Variants in ABR observed in about 807,000 individuals in gnomAD.
ABR encodes the protein active breakpoint cluster region-related protein.
In ABR, 35 loss-of-function variants were observed where a neutral mutation model predicts 107.2. That is an observed-to-expected ratio of 0.33 (90% CI 0.25 to 0.43). ABR has a LOEUF of 0.43. Ranked by LOEUF, ABR falls within the 20% of genes least tolerant of loss-of-function variation. The probability of loss-of-function intolerance (pLI) is 1.00; values close to 1 mark genes in which losing one functional copy is unlikely to be tolerated. For synonymous variants in ABR, 498 were observed against 462.0 expected (o/e 1.08, Z -1.00); for missense variants, 815 against 1,115.2 (o/e 0.73, Z 3.83).
intron 10 of ABR, among the ~76,000 whole-genome samples, chr17:1,065,517 TC>T (rs1307351351): frequency 6.9e-6 from 1 of 144,286 alleles, no homozygotes; most frequent in African/African-American, 2.5e-5. Context: ...TGCATGTTCC[TC>T]TAGACGCTGT....
In ABR at chr17:1,070,089, G is replaced by A; in HGVS notation, c.896C>T (p.Thr299Met). ...GAAGCCGTCCTTCACCAGCTGTCGCGTCTGAGGGAGATGGCAGACCCCCCA... is the reference window on the plus strand; with the variant it reads ...GAAGCCGTCCTTCACCAGCTGTCGCATCTGAGGGAGATGGCAGACCCCCCA... The part of the protein sequence containing the change: ...RTAVTTPKGE[T>M]RQLVKDGFLV... The change falls in exon 9 of 23, where the codon ACG becomes ATG. Residue 299 changes from threonine to methionine, a missense_variant and splice_region_variant. This residue lies in a region of ABR where 385 missense variants were observed against 596.9 expected (regional missense o/e 0.64). Transcript: ENST00000302538. This position sits in a 1 kb window ranked among gnomAD's most constrained non-coding sequence, Gnocchi z 4.2. The A allele has an allele frequency of 6.2e-7, 1 of 1,613,584 alleles. No individual in the cohort carries two copies. The highest frequency in any genetic ancestry group is 8.5e-7 in the Non-Finnish European group (1 of 1,179,872).
chr17:1,075,551 T>C (rs1457286361), intron 6 of ABR, among the ~76,000 whole-genome samples: 3 of 151,708 alleles, frequency 2.0e-5, no homozygotes, highest in Non-Finnish European at 4.4e-5. Context: ...CTTGGCTGCC[T>C]GTCGGAATCA....
intron 4 of ABR, among the ~76,000 whole-genome samples, chr17:1,087,839 T>A (rs909179347): frequency 6.6e-6 from 1 of 152,084 alleles, no homozygotes; most frequent in African/African-American, 2.4e-5. Flanking sequence ...GAGGCCTGCG[T>A]CCAGGGTCAC....
rs142853473 is a variant in ABR, at chr17:1,102,059, G to A, written c.247-1324C>T. On this transcript the variant is annotated intron_variant, in intron 2 of 22. Transcript: ENST00000302538. ...GAAAGACATTTAAAAAACAAGTAAA[G>A]ATTCGGCCCTAGACTGGGACATGGG... 1.7e-3 allele frequency among the ~76,000 whole-genome samples: 257 copies of A among 152,268 alleles called. 2 individuals carry two copies. The highest frequency in any genetic ancestry group is 5.9e-3 in the African/African-American group (246 of 41,566).
At chr17:1,205,516 T>C (rs991730004) in intron 1 of ABR, among the ~76,000 whole-genome samples, 6 of 152,180 alleles carry the variant, frequency 3.9e-5, no homozygotes, top group Non-Finnish European at 8.8e-5. Flanking sequence ...ATCTTTTCTA[T>C]TGAAAATGCA....
At chr17:1,067,741 G>A (rs1003910432) in intron 9 of ABR, among the ~76,000 whole-genome samples, 1 of 152,176 alleles carries the variant, frequency 6.6e-6, no homozygotes, top group Admixed American at 6.6e-5. Context: ...GCAAGAAAGT[G>A]TGCCCTAGTT....
At chr17:1,057,741 G>C in intron 12 of ABR, 1 of 502,732 alleles carries the variant, frequency 2.0e-6, no homozygotes, top group Non-Finnish European at 3.6e-6. Flanking sequence ...GAAAGCCCAG[G>C]CTGGGCTCTG....
chr17:1,152,443 T>C (rs1414748774), intron 1 of ABR, among the ~76,000 whole-genome samples: 2 of 150,918 alleles, frequency 1.3e-5, no homozygotes. Context: ...TACAAAAAAT[T>C]AGCCGGGCGT....
intron 6 of ABR, chr17:1,079,052 AGGGGAGGAGGG>A: frequency 2.0e-6 from 1 of 489,488 alleles, no homozygotes; most frequent in Middle Eastern, 7.4e-4. Context: ...GGGAAGGGGA[AGGGGAGGAGGG>A]GTAGGGAGGG....
At chr17:1,211,616 A>G (rs4968185) in intron 1 of ABR, among the ~76,000 whole-genome samples, 49,149 of 152,126 alleles carry the variant, frequency 0.32, 9,011 homozygotes, top group East Asian at 0.69. Flanking sequence ...TTTTACAGAT[A>G]AGATATCCAA....
intron 16 of ABR, among the ~76,000 whole-genome samples, chr17:1,034,152 G>A (rs565075966): frequency 2.6e-5 from 4 of 151,764 alleles, no homozygotes; most frequent in South Asian, 4.2e-4. Flanking sequence ...TGTATTTTTC[G>A]CAGAGACGAG....
At chr17:1,203,220 T>C (rs1358312569) in intron 1 of ABR, among the ~76,000 whole-genome samples, 1 of 151,890 alleles carries the variant, frequency 6.6e-6, no homozygotes, top group Non-Finnish European at 1.5e-5. Context: ...CTTGCCGGTG[T>C]GAGCAGAGGA....
chr17:1,183,730 G>A (rs568048611), upstream of ABR, among the ~76,000 whole-genome samples: 10 of 152,254 alleles, frequency 6.6e-5, no homozygotes, highest in Admixed American at 3.3e-4. Flanking sequence ...AGAGGTCACC[G>A]CTGATGACAA....
intron 16 of ABR, among the ~76,000 whole-genome samples, chr17:1,020,185 C>T (rs912938511): frequency 5.3e-5 from 8 of 152,118 alleles, no homozygotes; most frequent in African/African-American, 1.4e-4. Flanking sequence ...CGGGTTCGAG[C>T]GATTCTCCTG....
chr17:1,083,262 A>AT (rs71148428), intron 5 of ABR: 3,026 of 101,066 alleles, frequency 0.03, 65 homozygotes, highest in Non-Finnish European at 0.041. Flanking sequence ...ACTGCCTTGG[A>AT]TTTTTTTTTT....
At chr17:1,156,495 C>A (rs367926373) in intron 1 of ABR, among the ~76,000 whole-genome samples, 1 of 152,016 alleles carries the variant, frequency 6.6e-6, no homozygotes, top group East Asian at 1.9e-4. Context: ...ACCAGCCTGG[C>A]CAACGTGGTG....
At chr17:1,053,302 G>A (rs141583068) in intron 14 of ABR, among the ~76,000 whole-genome samples, 1 of 12,940 alleles carries the variant, frequency 7.7e-5, no homozygotes, top group Non-Finnish European at 1.4e-4. Flanking sequence ...TCCGGAAGGG[G>A]CTGGGGGAGG....
At chr17:1,224,235 G>A (rs1054430982) in intron 1 of ABR, among the ~76,000 whole-genome samples, 1 of 152,022 alleles carries the variant, frequency 6.6e-6, no homozygotes, top group East Asian at 1.9e-4. Context: ...ACACGGCCTG[G>A]TCTTTGTCTT....
chr17:1,203,440 A>AGCCTGCGGGGGCGGG (rs1567889240), intron 1 of ABR, among the ~76,000 whole-genome samples: 1 of 30,958 alleles, frequency 3.2e-5, no homozygotes, highest in Non-Finnish European at 5.6e-5. Context: ...GCGGGGACGG[A>AGCCTGCGGGGGCGGG]GTCTGCGGGG....
Sources: allele counts gnomAD v4.1 joint callset (sites outside exome capture counted in the v4.1 genomes callset), GRCh38; gene constraint gnomAD v4.1.1; regional missense constraint gnomAD v4.1.1; non-coding constraint Gnocchi (gnomAD v3.1); transcripts MANE v1.5; gene names NCBI Gene and HGNC (gene_info 2026-07-23, HGNC 2026-07-21).